Variants in CPT1A observed in about 807,000 individuals in gnomAD.
CPT1A encodes carnitine O-palmitoyltransferase 1, liver isoform.
CPT1A carries 64 observed loss-of-function variants against 100.8 expected under a neutral mutation model. That is an observed-to-expected ratio of 0.63 (90% CI 0.52 to 0.78). The LOEUF (loss-of-function observed/expected upper bound fraction) is 0.78, where lower values mean the gene tolerates loss of function less well. Ranked by LOEUF, CPT1A falls within the 30% of genes least tolerant of loss-of-function variation. CPT1A has a pLI of 0.00. For synonymous variants in CPT1A, 363 were observed against 396.0 expected, an observed-to-expected ratio of 0.92 and a Z score of 0.99; for missense variants, 802 against 1,034.1, an observed-to-expected ratio of 0.78 and a Z score of 3.08.
intron 12 of CPT1A, among the ~76,000 whole-genome samples, chr11:68,778,116 C>T: frequency 6.6e-6 from 1 of 151,440 alleles, no homozygotes; most frequent in East Asian, 1.9e-4. Flanking sequence ...CTTTTTCCTA[C>T]ATAGAAAACC....
chr11:68,817,646 C>T lies in CPT1A; in HGVS notation c.-13-2159G>A, dbSNP rs189904166. ...GGAGGATGGGGTCAAGGGCAGGAAG[C>T]TGGGGTCAAGGGCAGGAGGCTGGGG... On this transcript the variant is annotated intron_variant, in intron 1 of 18. Transcript: ENST00000265641. 1.5e-4 allele frequency among the ~76,000 whole-genome samples: 21 copies of T among 142,928 alleles called. No individual in the cohort carries two copies. In the East Asian group the frequency reaches 4.0e-3, roughly 27 times the overall value. The allele number at this position is 142,928 out of a possible 152,430, so 93.8% of individuals were successfully genotyped here.
chr11:68,763,151 T>C (rs1347794485), intron 14 of CPT1A, among the ~76,000 whole-genome samples: 3 of 152,184 alleles, frequency 2.0e-5, no homozygotes, highest in African/African-American at 4.8e-5. Flanking sequence ...GCCCAGCCTA[T>C]TGTCGAATCA....
chr11:68,828,745 G>A (rs1196344791), intron 1 of CPT1A, among the ~76,000 whole-genome samples: 1 of 106,838 alleles, frequency 9.4e-6, no homozygotes, highest in African/African-American at 2.9e-5. Context: ...TTGGGCAAGC[G>A]TCCGCCTCCT....
At position 68,796,887 on chromosome 11, in the gene CPT1A, G is replaced by A. The variant is rs763570668; in HGVS notation, c.740C>T (p.Pro247Leu). 5.0e-6 allele frequency: 8 copies of A among 1,613,962 alleles called. No individual in the cohort carries two copies. Among genetic ancestry groups the A allele is most frequent in the East Asian group, 4.5e-5 (2 of 44,892 alleles). The change falls in exon 7 of 19, where the codon CCG becomes CTG. Residue 247 changes from proline (P) to leucine (L), a missense_variant. Pro to Leu is a moderately conservative substitution (Grantham distance 98). Coordinates refer to ENST00000265641, the MANE Select transcript of CPT1A (RefSeq NM_001876.4). ...EEYIYLRGRG[P>L]LMVNSNYYAM... ...ATAATAGTTGCTGTTCACCATGAGC[G>A]GCCCTCGTCCTCGGAGGTAGATGTA...
At position 68,781,760 on chromosome 11, in the gene CPT1A, A is replaced by G. The variant is rs1225122912; in HGVS notation, c.1352+11T>C. On this transcript the variant is annotated intron_variant, in intron 11 of 18. Coordinates refer to ENST00000265641, the MANE Select transcript of CPT1A (RefSeq NM_001876.4). The stretch of plus-strand genomic sequence containing the variant: ...GGCAAACTCCTGTCTCTCAGAAGGT[A>G]AGGACGGTACCTGTCGTAACATCGG... 6.2e-7 allele frequency: 1 copy of G among 1,613,984 alleles called. No homozygotes were observed. The highest frequency in any genetic ancestry group is 8.5e-7 in the Non-Finnish European group (1 of 1,179,790).
At chr11:68,768,243 T>C (rs1369572204) in intron 14 of CPT1A, among the ~76,000 whole-genome samples, 5 of 146,790 alleles carry the variant, frequency 3.4e-5, no homozygotes, top group African/African-American at 1.3e-4. Context: ...GCCCGGCTAA[T>C]TTTTTGTATT....
intron 14 of CPT1A, among the ~76,000 whole-genome samples, chr11:68,773,059 G>A (rs1290375943): frequency 2.0e-5 from 3 of 152,298 alleles, no homozygotes; most frequent in Middle Eastern, 3.4e-3. Context: ...GGGAATCTAC[G>A]CCTGCTGGAG....
chr11:68,770,858 A>G (rs1854967497), intron 14 of CPT1A, among the ~76,000 whole-genome samples: 1 of 152,176 alleles, frequency 6.6e-6, no homozygotes, highest in Admixed American at 6.5e-5. Flanking sequence ...CAGCACAGTG[A>G]TGAGAGCCAC....
At chr11:68,813,403 G>A (rs747954039) in intron 2 of CPT1A, among the ~76,000 whole-genome samples, 1 of 151,646 alleles carries the variant, frequency 6.6e-6, no homozygotes, top group African/African-American at 2.4e-5. Context: ...GTGGTGGTGG[G>A]CGCCTATAGT....
intron 1 of CPT1A, among the ~76,000 whole-genome samples, chr11:68,840,146 A>C (rs1393221765): frequency 6.6e-6 from 1 of 152,218 alleles, no homozygotes; most frequent in East Asian, 1.9e-4. Context: ...AATCCAAAGA[A>C]CCAGCTGCGA....
At position 68,755,710 on chromosome 11, in the gene CPT1A, C is replaced by CTTTTTTTT; in HGVS notation, c.*1926_*1933dup. Reference sequence around the variant, plus strand: ...ACGCATGAGCCACCGCGCCTGGACGCTTTTTTTTTTTTTTTTGTCTTTTGT... The same window carrying CTTTTTTTT: ...ACGCATGAGCCACCGCGCCTGGACGCTTTTTTTTTTTTTTTTTTTTTTTTGTCTTTTGT... On this transcript the variant is annotated 3_prime_UTR_variant, in exon 19 of 19. Transcript: ENST00000265641. 9.0e-6 allele frequency: 1 copy of CTTTTTTTT among 111,146 alleles called. No individual in the cohort carries two copies. Among genetic ancestry groups the CTTTTTTTT allele is most frequent in the Admixed American group, 9.5e-5 (1 of 10,568 alleles). The allele number at this position is 111,146 out of a possible 1,614,324, so 6.9% of individuals were successfully genotyped here. A position where few individuals can be genotyped will look rare whatever the true frequency, so the allele number is the denominator to read the frequency against.
chr11:68,826,012 G>T (rs1252276521), intron 1 of CPT1A, among the ~76,000 whole-genome samples: 1 of 152,136 alleles, frequency 6.6e-6, no homozygotes, highest in Admixed American at 6.5e-5. Context: ...CTAAAACCGA[G>T]GAACTCATAA....
chr11:68,792,674 T>G (rs985442557), intron 9 of CPT1A, among the ~76,000 whole-genome samples: 3 of 152,214 alleles, frequency 2.0e-5, no homozygotes, highest in Non-Finnish European at 4.4e-5. Context: ...AAATCCACCT[T>G]TCCGAGCACG....
intron 1 of CPT1A, among the ~76,000 whole-genome samples, chr11:68,825,532 C>A (rs867857332): frequency 6.6e-6 from 1 of 152,170 alleles, no homozygotes; most frequent in African/African-American, 2.4e-5. Flanking sequence ...CCCCTTACCC[C>A]GTCCCCACTA....
At chr11:68,791,998 T>C (rs759024529) in intron 9 of CPT1A, among the ~76,000 whole-genome samples, 2 of 151,946 alleles carry the variant, frequency 1.3e-5, no homozygotes, top group Non-Finnish European at 2.9e-5. Flanking sequence ...TCTGGAATAT[T>C]GACTAGGGCT....
intron 1 of CPT1A, among the ~76,000 whole-genome samples, chr11:68,830,227 C>T (rs548912869): frequency 1.2e-4 from 18 of 152,156 alleles, no homozygotes; most frequent in East Asian, 3.9e-4. Flanking sequence ...GCAGCAAGCC[C>T]GGACTGTGCC....
intron 1 of CPT1A, among the ~76,000 whole-genome samples, chr11:68,823,302 G>T (rs1856634967): frequency 6.6e-6 from 1 of 152,008 alleles, no homozygotes; most frequent in African/African-American, 2.4e-5. Flanking sequence ...GAATTTTATG[G>T]TATATGAATC....
intron 1 of CPT1A, among the ~76,000 whole-genome samples, chr11:68,816,396 C>T (rs1006183105): frequency 2.0e-5 from 3 of 152,344 alleles, no homozygotes; most frequent in South Asian, 2.1e-4. Flanking sequence ...TGAAACGGAA[C>T]GTGCCTTGGC....
intron 14 of CPT1A, among the ~76,000 whole-genome samples, chr11:68,764,988 G>A (rs1854751320): frequency 6.6e-6 from 1 of 152,184 alleles, no homozygotes. Flanking sequence ...GGCATGACAC[G>A]ACACTCAAGA....
Sources: gnomAD v4.1 joint callset for allele counts (sites outside exome capture counted in the v4.1 genomes callset) on GRCh38, gnomAD v4.1.1 for gene constraint, MANE v1.5 for transcripts, NCBI Gene and HGNC (gene_info 2026-07-23, HGNC 2026-07-21) for gene names.